The following UGT1A8 variants were observed in gnomAD, a reference collection of about 807,000 sequenced individuals.
The protein encoded by UGT1A8 is UDP glucuronosyltransferase family 1 member A8, also known as UDP-glucuronosyltransferase 1A8.
Under a neutral mutation model 45.3 loss-of-function variants are expected in UGT1A8, and 39 were observed. The observed-to-expected ratio is 0.86, with a 90% confidence interval of 0.67 to 1.12. UGT1A8 has a LOEUF of 1.12. Ranked by LOEUF, UGT1A8 falls within the 50% of genes most tolerant of loss-of-function variation. The probability of loss-of-function intolerance (pLI) is 0.00; values close to 1 mark genes in which losing one functional copy is unlikely to be tolerated. For synonymous variants in UGT1A8, 275 were observed against 249.2 expected, an observed-to-expected ratio of 1.10 and a Z score of -0.97; for missense variants, 719 against 664.9, an observed-to-expected ratio of 1.08 and a Z score of -0.90.
At chr2:233,747,691 T>C in intron 1 of UGT1A8, 3 of 1,611,090 alleles carry the variant, frequency 1.9e-6, no homozygotes, top group Non-Finnish European at 2.5e-6. Flanking sequence ...TGTGGGGCAG[T>C]GCTGGCTAAG....
intron 1 of UGT1A8, among the ~76,000 whole-genome samples, chr2:233,657,816 A>C (rs1306817362): frequency 6.6e-6 from 1 of 152,182 alleles, no homozygotes; most frequent in Non-Finnish European, 1.5e-5. Context: ...GTAAATGTTC[A>C]GGTCTATGCC....
intron 1 of UGT1A8, among the ~76,000 whole-genome samples, chr2:233,627,607 C>CCCTT (rs1207219955): frequency 5.0e-5 from 7 of 140,304 alleles, no homozygotes; most frequent in East Asian, 2.2e-4. Flanking sequence ...TCATGAATCT[C>CCCTT]CCTTCCTTCC....
intron 1 of UGT1A8, among the ~76,000 whole-genome samples, chr2:233,722,554 T>C (rs1040385246): frequency 9.9e-5 from 15 of 152,232 alleles, no homozygotes; most frequent in Non-Finnish European, 2.1e-4. Context: ...TTCTTTTGGT[T>C]GATTTGTAGC....
intron 1 of UGT1A8, among the ~76,000 whole-genome samples, chr2:233,667,348 G>C (rs1245129864): frequency 1.3e-5 from 2 of 152,164 alleles, no homozygotes; most frequent in African/African-American, 2.4e-5. Flanking sequence ...GCTGAAACTG[G>C]ATCCCTTCCT....
In UGT1A8 at chr2:233,755,421, C is replaced by T. The variant is rs774443994; in HGVS notation, c.856-11613C>T. 197 of 321,386 alleles carry T rather than the reference C, an allele frequency of 6.1e-4. 1 individual carries two copies. The highest frequency in any genetic ancestry group is 1.9e-3 in the Admixed American group (45 of 23,834). 19.9% of individuals were successfully genotyped at this position (321,386 alleles called of 1,614,324 possible). On this transcript the variant is annotated intron_variant, in intron 1 of 4. Transcript: ENST00000373450. ...TCTCATTGGCCGAGGCCTGTGAGCG[C>T]CTCGCATCCCAAGATGCAGTGCTCC... is the stretch of plus-strand genomic sequence containing the variant.
intron 1 of UGT1A8, among the ~76,000 whole-genome samples, chr2:233,644,738 T>G (rs928759586): frequency 6.6e-6 from 1 of 152,080 alleles, no homozygotes; most frequent in African/African-American, 2.4e-5. Flanking sequence ...CCACTGTGGG[T>G]TCAGGGGGTT....
intron 1 of UGT1A8, among the ~76,000 whole-genome samples, chr2:233,621,001 C>CA (rs2072993863): frequency 6.6e-6 from 1 of 152,068 alleles, no homozygotes; most frequent in Non-Finnish European, 1.5e-5. Flanking sequence ...TGTTTGCGTG[C>CA]AGTGTCCCAG....
At chr2:233,665,096 C>A (rs2074045407) in intron 1 of UGT1A8, among the ~76,000 whole-genome samples, 1 of 152,210 alleles carries the variant, frequency 6.6e-6, no homozygotes, top group African/African-American at 2.4e-5. Flanking sequence ...ATTCTCACAC[C>A]TATTTTGTTA....
Position 233,618,138 on chromosome 2 carries a change from C to A in UGT1A8, c.431C>A (p.Ala144Glu). Residue 144 changes from alanine (A) to glutamate (E), a missense_variant, in exon 1 of 5, where the codon GCG (alanine) becomes GAG (glutamate). Coordinates refer to ENST00000373450, the MANE Select transcript of UGT1A8 (RefSeq NM_019076.5). ...VEYLKESSFDAVFLDPFDACG... is the reference protein window; with the variant it reads ...VEYLKESSFDEVFLDPFDACG... ...TACTTAAAGGAGAGTTCTTTTGATG[C>A]GGTGTTTCTTGATCCTTTTGATGCC... 1 of 1,613,948 alleles carries A rather than the reference C, an allele frequency of 6.2e-7. No homozygotes were observed. Among genetic ancestry groups the A allele is most frequent in the South Asian group, 1.1e-5 (1 of 91,064 alleles).
chr2:233,746,540 T>G (rs1172057692), intron 1 of UGT1A8, among the ~76,000 whole-genome samples: 2 of 151,806 alleles, frequency 1.3e-5, no homozygotes, highest in Admixed American at 6.5e-5. Context: ...TGCCCTGCTG[T>G]GTGACTTCTT....
intron 1 of UGT1A8, among the ~76,000 whole-genome samples, chr2:233,712,602 A>G (rs998294474): frequency 6.6e-6 from 1 of 152,190 alleles, no homozygotes; most frequent in African/African-American, 2.4e-5. Context: ...ATGGTTGGGG[A>G]CTAGGGCAAT....
intron 1 of UGT1A8, among the ~76,000 whole-genome samples, chr2:233,762,455 C>T (rs960271633): frequency 3.9e-5 from 6 of 152,100 alleles, no homozygotes; most frequent in Admixed American, 6.5e-5. Flanking sequence ...GCCCACTTAC[C>T]GATAATGTCA....
At chr2:233,641,156 C>T (rs1359011196) in intron 1 of UGT1A8, among the ~76,000 whole-genome samples, 2 of 152,164 alleles carry the variant, frequency 1.3e-5, no homozygotes, top group Non-Finnish European at 2.9e-5. Flanking sequence ...CAGCTCTTCT[C>T]TTGCTGACTA....
chr2:233,628,669 C>T (rs1449972981), intron 1 of UGT1A8, among the ~76,000 whole-genome samples: 1 of 152,008 alleles, frequency 6.6e-6, no homozygotes, highest in Non-Finnish European at 1.5e-5. Flanking sequence ...TGGGGAGGGC[C>T]CCTGTCCTCG....
At chr2:233,742,446 G>A (rs1691980531) in intron 1 of UGT1A8, among the ~76,000 whole-genome samples, 1 of 151,938 alleles carries the variant, frequency 6.6e-6, no homozygotes, top group South Asian at 2.1e-4. Flanking sequence ...GGTGGGCCAG[G>A]TGTTCCTTGC....
At chr2:233,714,752 CACTT>C (rs1470277525) in intron 1 of UGT1A8, among the ~76,000 whole-genome samples, 11 of 152,208 alleles carry the variant, frequency 7.2e-5, no homozygotes, top group African/African-American at 2.7e-4. Context: ...ATATATTTGA[CACTT>C]ACAGTATATC....
intron 1 of UGT1A8, chr2:233,671,878 C>A: frequency 6.5e-7 from 1 of 1,536,452 alleles, no homozygotes; most frequent in Non-Finnish European, 8.7e-7. Flanking sequence ...TTTCTCCCAC[C>A]TACTGTATCA....
intron 1 of UGT1A8, chr2:233,748,092 G>A (rs1693863465): frequency 6.2e-7 from 1 of 1,612,734 alleles, no homozygotes; most frequent in Non-Finnish European, 8.5e-7. Flanking sequence ...CGGTGTTCGT[G>A]CCTTCATCCA....
rs755504518 is a variant in UGT1A8, at chr2:233,618,098, C to T, written c.391C>T (p.Arg131Ter). 8.7e-6 allele frequency: 14 copies of T among 1,613,764 alleles called. No individual in the cohort carries two copies. Among genetic ancestry groups the T allele is most frequent in the Middle Eastern group, 1.6e-4 (1 of 6,084 alleles). Residue 131 changes from arginine to a stop codon, truncating the protein, a stop_gained, in exon 1 of 5, where the codon CGA becomes TGA. Coordinates refer to ENST00000373450, the MANE Select transcript of UGT1A8 (RefSeq NM_019076.5). LOFTEE classifies it high-confidence loss of function. ...GCATTGCAGGAGTTTGTTTAATGAC[C>T]GAAAATTAGTAGAATACTTAAAGGA... ...FSHCRSLFNDRKLVEYLKESS... is the reference protein window; with the variant it reads ...FSHCRSLFND
Sources: gnomAD v4.1 joint callset for allele counts (sites outside exome capture counted in the v4.1 genomes callset) on GRCh38, gnomAD v4.1.1 for gene constraint, MANE v1.5 for transcripts, NCBI Gene and HGNC (gene_info 2026-07-23, HGNC 2026-07-21) for gene names.